OGFOD1: variants seen among roughly 807,000 people sequenced by gnomAD.
OGFOD1 encodes prolyl 3-hydroxylase OGFOD1.
A neutral mutation model predicts 67.7 loss-of-function variants in OGFOD1; 54 were observed. The observed-to-expected ratio is 0.80, with a 90% CI of 0.64 to 1.00. The LOEUF is 1.00. OGFOD1 is among the 50% of genes least tolerant of loss of function. The pLI, the probability that OGFOD1 is intolerant of heterozygous loss-of-function variation, is 0.00. For missense variants in OGFOD1, 606 were observed against 646.7 expected, an observed-to-expected ratio of 0.94 and a Z score of 0.68; for synonymous variants, 221 against 227.0, an observed-to-expected ratio of 0.97 and a Z score of 0.24.
intron 8 of OGFOD1, 129 bp from the exon 9 acceptor site, chr16:56,469,874 G>T: frequency 3.1e-6 from 1 of 326,214 alleles, no homozygotes; most frequent in South Asian, 6.7e-5. Flanking sequence ...AAAAAAAAAA[G>T]GAATGAGAGT....
chr16:56,469,938 C>G (rs1247831103), intron 8 of OGFOD1, 65 bp from the exon 9 acceptor site: 2 of 1,377,252 alleles, frequency 1.5e-6, no homozygotes, highest in Non-Finnish European at 2.1e-6. Flanking sequence ...GCTGCTGTAC[C>G]TGCCAAACCA....
rs1385034908 is a variant in OGFOD1 at position 56,470,726 on chromosome 16, G to A, written c.1220G>A (p.Ser407Asn). 12 of 1,613,784 alleles carry A rather than the reference G, an allele frequency of 7.4e-6. No homozygotes were observed. The highest frequency in any genetic ancestry group is 1.3e-5 in the African/African-American group (1 of 74,932). ...PEPENNQMAI[S>N]NNSQQSNEQT... is the part of the protein sequence containing the mutation. Reference sequence around the variant, plus strand: ...CCAGAGAATAATCAGATGGCCATCAGCAACAACAGCCAACAGAGCAATGAG... The same window carrying A: ...CCAGAGAATAATCAGATGGCCATCAACAACAACAGCCAACAGAGCAATGAG... The change falls in exon 10 of 13, where the codon AGC (serine) becomes AAC (asparagine). Residue 407 changes from serine to asparagine, a missense_variant. Physicochemically the swap from Ser to Asn is conservative, Grantham distance 46. Transcript: ENST00000566157.
At chr16:56,473,077 C>G (rs1963277510) in intron 10 of OGFOD1, among the ~76,000 whole-genome samples, 1 of 152,148 alleles carries the variant, frequency 6.6e-6, no homozygotes, top group East Asian at 1.9e-4. Context: ...ACTACAGGCG[C>G]ATGCCACCAC....
intron 4 of OGFOD1, among the ~76,000 whole-genome samples, chr16:56,464,028 A>G (rs774596099): frequency 6.6e-6 from 1 of 152,150 alleles, no homozygotes; most frequent in Non-Finnish European, 1.5e-5. Context: ...TGCATGTTGC[A>G]TTTAGTTATA....
chr16:56,464,854 TAAC>T (rs1962841298), intron 4 of OGFOD1, among the ~76,000 whole-genome samples: 1 of 152,190 alleles, frequency 6.6e-6, no homozygotes, highest in South Asian at 2.1e-4. Context: ...GAAAGATACT[TAAC>T]AATCAAGATC....
rs1289142878 is a variant in OGFOD1 at position 56,478,040 on chromosome 16, T to C, written c.*1835T>C. 6.6e-6 allele frequency: 1 copy of C among 152,234 alleles called. No homozygotes were observed. Among genetic ancestry groups the C allele is most frequent in the African/African-American group, 2.4e-5 (1 of 41,468 alleles). 9.4% of individuals were successfully genotyped at this position (152,234 alleles called of 1,614,324 possible). ...GTAATATTATTTCTATAACTTACTG[T>C]TATAAAACACTAATTTTTAAATGAT... is the stretch of plus-strand genomic sequence containing the variant. On this transcript the variant is annotated 3_prime_UTR_variant, in exon 13 of 13. Coordinates refer to ENST00000566157, the MANE Select transcript of OGFOD1 (RefSeq NM_018233.4).
intron 11 of OGFOD1, 149 bp downstream of exon 11, chr16:56,475,099 G>A: frequency 1.2e-6 from 1 of 805,140 alleles, no homozygotes; most frequent in Non-Finnish European, 1.9e-6. Flanking sequence ...GGATTTTACG[G>A]GTCATGAATT....
At chr16:56,467,314 C>T in intron 7 of OGFOD1, 21 bp downstream of exon 7, 13 of 1,613,642 alleles carry the variant, frequency 8.1e-6, no homozygotes, top group Non-Finnish European at 1.0e-5. Flanking sequence ...TTGCTGATAT[C>T]CTTATCTTAG....
intron 3 of OGFOD1, among the ~76,000 whole-genome samples, chr16:56,459,608 C>A (rs1181339156): frequency 1.3e-5 from 2 of 152,112 alleles, no homozygotes; most frequent in Non-Finnish European, 2.9e-5. Flanking sequence ...CCTCTGGGAT[C>A]TAGTGTCTCA....
chr16:56,458,448 T>C, intron 2 of OGFOD1, 100 bp from the exon 3 acceptor site: 1 of 1,074,540 alleles, frequency 9.3e-7, no homozygotes, highest in Non-Finnish European at 1.4e-6. Flanking sequence ...TCTGGGCTCT[T>C]AATGACAATG....
At chr16:56,468,230 C>G (rs1962985293) in intron 8 of OGFOD1, among the ~76,000 whole-genome samples, 1 of 152,100 alleles carries the variant, frequency 6.6e-6, no homozygotes, top group Admixed American at 6.5e-5. Flanking sequence ...TGGATATTCC[C>G]CAGTTCTCTA....
chr16:56,452,715 G>T (rs1962382638), intron 1 of OGFOD1, among the ~76,000 whole-genome samples: 1 of 152,158 alleles, frequency 6.6e-6, no homozygotes, highest in South Asian at 2.1e-4. Flanking sequence ...CCTGGTAGGT[G>T]GTGCTGATGA....
At chr16:56,472,462 C>T (rs1169520013) in intron 10 of OGFOD1, among the ~76,000 whole-genome samples, 1 of 152,140 alleles carries the variant, frequency 6.6e-6, no homozygotes. Flanking sequence ...ACGAAGTTTA[C>T]CATCTTGAAG....
chr16:56,475,588 C>G (rs549602810), intron 12 of OGFOD1, 23 bp downstream of exon 12: 119 of 1,607,368 alleles, frequency 7.4e-5, no homozygotes, highest in Non-Finnish European at 9.5e-5. Context: ...TGATAGCAAA[C>G]TATCATTTTT....
intron 2 of OGFOD1, among the ~76,000 whole-genome samples, chr16:56,455,423 G>A (rs1402249380): frequency 1.3e-5 from 2 of 151,614 alleles, no homozygotes; most frequent in Non-Finnish European, 2.9e-5. Flanking sequence ...AGAGCCTTGG[G>A]TGATTGAAAA....
chr16:56,463,662 T>A (rs1043812959), intron 4 of OGFOD1, among the ~76,000 whole-genome samples: 1 of 151,928 alleles, frequency 6.6e-6, no homozygotes, highest in Non-Finnish European at 1.5e-5. Flanking sequence ...CCTCAAGTGA[T>A]CCGCCTGCCT....
chr16:56,454,050 T>TA (rs1378092446), intron 2 of OGFOD1, among the ~76,000 whole-genome samples: 1 of 152,150 alleles, frequency 6.6e-6, no homozygotes, highest in Non-Finnish European at 1.5e-5. Context: ...AATTACCATT[T>TA]AAAATCTTGA....
At chr16:56,475,478 C>G (rs375629494) in intron 11 of OGFOD1, 29 bp from the exon 12 acceptor site, 2 of 1,609,442 alleles carry the variant, frequency 1.2e-6, no homozygotes, top group African/African-American at 2.7e-5. Flanking sequence ...TAGGAGCTTT[C>G]TGAATGCTGT....
chr16:56,466,749 G>C, intron 5 of OGFOD1, 127 bp from the exon 6 acceptor site: 2 of 711,534 alleles, frequency 2.8e-6, no homozygotes, highest in Non-Finnish European at 5.0e-6. Context: ...CAGATGGAAA[G>C]GGCGGTATTT....
Sources: gnomAD v4.1 joint callset for allele counts (sites outside exome capture counted in the v4.1 genomes callset) on GRCh38, gnomAD v4.1.1 for gene constraint, MANE v1.5 for transcripts, NCBI Gene and HGNC (gene_info 2026-07-23, HGNC 2026-07-21) for gene names.